Variants in PTPRU observed in about 807,000 individuals in gnomAD.
PTPRU encodes the protein receptor-type tyrosine-protein phosphatase U.
Under a neutral mutation model 166.3 loss-of-function variants are expected in PTPRU, and 69 were observed. That is an observed-to-expected ratio of 0.41 (90% CI 0.34 to 0.51). The LOEUF (loss-of-function observed/expected upper bound fraction) is 0.51. Among genes scored for constraint, PTPRU ranks in the 20% least tolerant of loss-of-function variants. The pLI, the probability that PTPRU is intolerant of heterozygous loss-of-function variation, is 0.09. For missense variants in PTPRU, 1,657 were observed against 2,013.7 expected (o/e 0.82, Z 3.39); for synonymous variants, 793 against 814.0 (o/e 0.97, Z 0.44).
intron 12 of PTPRU, 168 bp from the exon 13 acceptor site, chr1:29,283,772 C>G (rs1686212678): frequency 1.3e-6 from 1 of 747,506 alleles, no homozygotes; most frequent in South Asian, 1.7e-5. Context: ...CCTCTAGGCC[C>G]CGCTCTCAAG....
Position 29,291,631 on chromosome 1 carries a change from C to G in PTPRU, c.2319-238C>G, listed in dbSNP as rs987168281. ...CAGCCTGAAGCCACTGCTGCTCCACCCCTTTCCCTTAGCAAAGGTCCCTAG... is the reference window on the plus strand; with the variant it reads ...CAGCCTGAAGCCACTGCTGCTCCACGCCTTTCCCTTAGCAAAGGTCCCTAG... On this transcript the variant is annotated intron_variant, in intron 14 of 29. Transcript: ENST00000373779. This position sits in a 1 kb window ranked among gnomAD's most constrained non-coding sequence, Gnocchi z 4.1. 1.3e-5 allele frequency among the ~76,000 whole-genome samples: 2 copies of G among 152,170 alleles called. No individual in the cohort carries two copies. Among genetic ancestry groups the G allele is most frequent in the African/African-American group, 4.8e-5 (2 of 41,454 alleles).
chr1:29,262,315 A>G (rs569555092), intron 7 of PTPRU, among the ~76,000 whole-genome samples: 16 of 152,256 alleles, frequency 1.1e-4, no homozygotes, highest in Non-Finnish European at 1.8e-4. Flanking sequence ...TTATTGCAAT[A>G]TAATCCACAT....
chr1:29,317,632 A>G lies in PTPRU; in HGVS notation c.3514-116A>G. 8.3e-7 allele frequency: 1 copy of G among 1,207,046 alleles called. No individual in the cohort carries two copies. Among genetic ancestry groups the G allele is most frequent in the Non-Finnish European group, 1.2e-6 (1 of 867,344 alleles). 74.8% of individuals were successfully genotyped at this position (1,207,046 alleles called of 1,614,324 possible). A position where few individuals can be genotyped will look rare whatever the true frequency, so the allele number is the denominator to read the frequency against. ...CCCTGTACCCTTCTCTCTGGACCTC[A>G]GTTTCTCCATCCATAAAATGGGATT... On this transcript the variant is annotated intron_variant, in intron 24 of 29. Transcript: ENST00000373779. This position sits in a 1 kb window ranked among gnomAD's most constrained non-coding sequence, Gnocchi z 5.6.
At position 29,317,474 on chromosome 1, in the gene PTPRU, C is replaced by G. The variant is rs1332657101; in HGVS notation, c.3514-274C>G. Among the ~76,000 whole-genome samples, 3 of 152,178 alleles carry G rather than the reference C, an allele frequency of 2.0e-5. No individual in the cohort carries two copies. In the South Asian group the frequency reaches 6.2e-4, roughly 31 times the overall value. ...GTAGGCATATTACTTCCCTATTTCA[C>G]AGTCGAGGAAACTGAGGCTGAGAGA... On this transcript the variant is annotated intron_variant, in intron 24 of 29. Coordinates refer to ENST00000373779, the MANE Select transcript of PTPRU (RefSeq NM_133178.4). The surrounding 1 kb of genome is among the most constrained non-coding windows in gnomAD (Gnocchi z 5.6).
At chr1:29,324,167 CCCAT>C (rs373968731) in intron 28 of PTPRU, among the ~76,000 whole-genome samples, 1 of 152,066 alleles carries the variant, frequency 6.6e-6, no homozygotes. Flanking sequence ...CATCCATCCA[CCCAT>C]CCATCCATCC....
At position 29,257,966 on chromosome 1, in the gene PTPRU, A is replaced by T. The variant is rs986469188; in HGVS notation, c.206-539A>T. On this transcript the variant is annotated intron_variant, in intron 2 of 29. Coordinates refer to ENST00000373779, the MANE Select transcript of PTPRU (RefSeq NM_133178.4). This position sits in a 1 kb window ranked among gnomAD's most constrained non-coding sequence, Gnocchi z 4.6. ...GACCTGTAGATTGTAAGGAGCCATA[A>T]TTTTTTTTTTCTTTTTGAGACCGAG... 2.0e-5 allele frequency among the ~76,000 whole-genome samples: 3 copies of T among 150,308 alleles called. No individual in the cohort carries two copies. Among genetic ancestry groups the T allele is most frequent in the African/African-American group, 4.9e-5 (2 of 40,846 alleles).
At chr1:29,274,325 C>T (rs1189768294) in intron 7 of PTPRU, among the ~76,000 whole-genome samples, 2 of 152,212 alleles carry the variant, frequency 1.3e-5, no homozygotes, top group South Asian at 4.1e-4. Flanking sequence ...AGGCATGAGC[C>T]ACCACGCCTG....
Position 29,312,717 on chromosome 1 carries a change from C to T in PTPRU, c.3227+11C>T, listed in dbSNP as rs182606055. The T allele has an allele frequency of 2.3e-5, 37 of 1,594,388 alleles. No individual in the cohort carries two copies. Among genetic ancestry groups the T allele is most frequent in the East Asian group, 9.0e-5 (4 of 44,326 alleles). ...TGTCATCCACTGCAGGTGGGGGCAC[C>T]GGGAATCCCAAGGAGAAAAGGGGCC... On this transcript the variant is annotated intron_variant, in intron 22 of 29. Coordinates refer to ENST00000373779, the MANE Select transcript of PTPRU (RefSeq NM_133178.4).
chr1:29,307,055 G>A (rs1280585706), intron 18 of PTPRU: 8 of 1,539,514 alleles, frequency 5.2e-6, no homozygotes, highest in East Asian at 4.5e-5. Flanking sequence ...CCTGTGCTCC[G>A]TCCACCTCCA....
chr1:29,286,688 AAGG>A (rs921229819), intron 14 of PTPRU, among the ~76,000 whole-genome samples: 1 of 151,938 alleles, frequency 6.6e-6, no homozygotes, highest in Non-Finnish European at 1.5e-5. Flanking sequence ...ATCTACCCTC[AAGG>A]AGAAGAGGAT....
intron 24 of PTPRU, 122 bp downstream of exon 24, chr1:29,316,273 G>A (rs1268209764): frequency 1.6e-6 from 2 of 1,226,424 alleles, no homozygotes; most frequent in Non-Finnish European, 2.3e-6. Flanking sequence ...GGCCACAGCT[G>A]GAGGGACAGA....
rs528976751 is a variant in PTPRU, at chr1:29,280,949, T to G, written c.1868+808T>G. On this transcript the variant is annotated intron_variant, in intron 11 of 29. Coordinates refer to ENST00000373779, the MANE Select transcript of PTPRU (RefSeq NM_133178.4). This position sits in a 1 kb window ranked among gnomAD's most constrained non-coding sequence, Gnocchi z 4.2. ...GAAACTGACTCAGAGCCTGAATCAC[T>G]TGCCCTCAAGGCCACACAGCTAGTA... Among the ~76,000 whole-genome samples, 1 of 152,208 alleles carries G rather than the reference T, an allele frequency of 6.6e-6. No individual in the cohort carries two copies.
intron 28 of PTPRU, among the ~76,000 whole-genome samples, chr1:29,324,689 C>A (rs1319570152): frequency 6.6e-6 from 1 of 152,204 alleles, no homozygotes; most frequent in Non-Finnish European, 1.5e-5. Context: ...CTCTCAGAAT[C>A]CGCAGTCTGT....
chr1:29,312,130 T>C (rs1398049245), intron 21 of PTPRU, among the ~76,000 whole-genome samples: 1 of 152,236 alleles, frequency 6.6e-6, no homozygotes, highest in Non-Finnish European at 1.5e-5. Flanking sequence ...ACATAGTCAG[T>C]GGCTGGCCAG....
chr1:29,305,513 A>G, intron 18 of PTPRU, 85 bp downstream of exon 18: 1 of 1,376,046 alleles, frequency 7.3e-7, no homozygotes, highest in Non-Finnish European at 1.0e-6. Context: ...ACCTGTCGGG[A>G]TAAATGGGGG....
At position 29,236,867 on chromosome 1, in the gene PTPRU, G is replaced by A. The variant is rs1215253199; in HGVS notation, c.73+150G>A. On this transcript the variant is annotated intron_variant, in intron 1 of 29. Coordinates refer to ENST00000373779, the MANE Select transcript of PTPRU (RefSeq NM_133178.4). This position sits in a 1 kb window ranked among gnomAD's most constrained non-coding sequence, Gnocchi z 4.6. ...CGTAGGATGGGCGATTGTGTGCCCG[G>A]GGTGTTGCGTGACTGCGAATGTTGT... 1 of 763,246 alleles carries A rather than the reference G, an allele frequency of 1.3e-6. No individual in the cohort carries two copies. Among genetic ancestry groups the A allele is most frequent in the Non-Finnish European group, 1.8e-6 (1 of 550,454 alleles). 47.3% of individuals were successfully genotyped at this position (763,246 alleles called of 1,614,324 possible).
chr1:29,297,411 AG>A (rs1281664106), intron 15 of PTPRU, among the ~76,000 whole-genome samples: 1 of 152,132 alleles, frequency 6.6e-6, no homozygotes, highest in Non-Finnish European at 1.5e-5. Context: ...AGGCTTGGAG[AG>A]GGGAAGTCAC....
intron 7 of PTPRU, among the ~76,000 whole-genome samples, chr1:29,267,694 G>A (rs1362723451): frequency 6.6e-6 from 1 of 152,212 alleles, no homozygotes; most frequent in African/African-American, 2.4e-5. Flanking sequence ...GCAGATGTGG[G>A]ACTTAGAGCC....
At chr1:29,309,908 C>G (rs1687570269) in intron 18 of PTPRU, among the ~76,000 whole-genome samples, 2 of 152,210 alleles carry the variant, frequency 1.3e-5, no homozygotes, top group Admixed American at 1.3e-4. Context: ...ACTAATTCCC[C>G]TTTCCGCATT....
Sources: allele counts gnomAD v4.1 joint callset (sites outside exome capture counted in the v4.1 genomes callset), GRCh38; gene constraint gnomAD v4.1.1; non-coding constraint Gnocchi (gnomAD v3.1); transcripts MANE v1.5; gene names NCBI Gene and HGNC (gene_info 2026-07-23, HGNC 2026-07-21).